The following SLC24A2 variants were observed in gnomAD, a reference collection of about 807,000 sequenced individuals.
The protein encoded by SLC24A2 is solute carrier family 24 member 2.
A neutral mutation model predicts 62.0 loss-of-function variants in SLC24A2; 36 were observed. The ratio of observed to expected loss-of-function variants is 0.58; its 90% confidence interval spans 0.44 to 0.77. The LOEUF (loss-of-function observed/expected upper bound fraction) is 0.77, where lower values mean the gene tolerates loss of function less well. SLC24A2 is among the 30% of genes least tolerant of loss of function. SLC24A2 has a pLI of 0.00. For missense variants in SLC24A2, 846 were observed against 817.9 expected (o/e 1.03, Z -0.42); for synonymous variants, 358 against 294.0 (o/e 1.22, Z -2.23).
At chr9:20,253,454 G>A in the SLC24A2 span, among the ~76,000 whole-genome samples, 2 of 152,148 alleles carry the variant, frequency 1.3e-5, no homozygotes, top group African/African-American at 4.8e-5. Flanking sequence ...TTACTTCCAA[G>A]TGTAACAGGT....
At chr9:19,960,660 T>C in the SLC24A2 span, among the ~76,000 whole-genome samples, 1 of 152,198 alleles carries the variant, frequency 6.6e-6, no homozygotes, top group African/African-American at 2.4e-5. Flanking sequence ...GTCCCACAGA[T>C]GTATGGTGAC....
chr9:20,123,186 C>A, the SLC24A2 span, among the ~76,000 whole-genome samples: 1 of 152,026 alleles, frequency 6.6e-6, no homozygotes, highest in African/African-American at 2.4e-5. Flanking sequence ...CTAGCTGTGT[C>A]CTCACATAAT....
At chr9:20,209,810 A>G in the SLC24A2 span, among the ~76,000 whole-genome samples, 1 of 152,228 alleles carries the variant, frequency 6.6e-6, no homozygotes, top group Non-Finnish European at 1.5e-5. Flanking sequence ...AGGAATCAAT[A>G]GAAACCACAT....
At chr9:19,648,147 C>A (rs934170848) in intron 2 of SLC24A2, among the ~76,000 whole-genome samples, 2 of 152,168 alleles carry the variant, frequency 1.3e-5, no homozygotes, top group Non-Finnish European at 2.9e-5. Context: ...AATAGACTAA[C>A]AACCCATTAA....
chr9:19,893,839 C>A, the SLC24A2 span, among the ~76,000 whole-genome samples: 6 of 152,316 alleles, frequency 3.9e-5, no homozygotes, highest in Admixed American at 3.9e-4. Context: ...AATTGCACCT[C>A]ATGTTTCTCT....
intron 7 of SLC24A2, 62 bp downstream of exon 7, chr9:19,573,289 C>T: frequency 1.8e-6 from 2 of 1,136,214 alleles, no homozygotes; most frequent in South Asian, 1.2e-5. Flanking sequence ...AGGGTCTGTG[C>T]TGCCACGCTA....
chr9:19,662,476 C>T (rs1030351766), intron 2 of SLC24A2, among the ~76,000 whole-genome samples: 1 of 152,208 alleles, frequency 6.6e-6, no homozygotes, highest in African/African-American at 2.4e-5. Context: ...CTCCTACTTA[C>T]ATTTATCTCT....
chr9:20,234,002 A>G, the SLC24A2 span, among the ~76,000 whole-genome samples: 2 of 152,190 alleles, frequency 1.3e-5, no homozygotes, highest in Non-Finnish European at 2.9e-5. Context: ...GTTTGGCTGG[A>G]TATGAAATTC....
the SLC24A2 span, among the ~76,000 whole-genome samples, chr9:20,119,065 G>C: frequency 6.6e-6 from 1 of 152,154 alleles, no homozygotes; most frequent in Middle Eastern, 3.2e-3. Context: ...AATGAACGCA[G>C]CCTTCAAGAA....
chr9:20,182,350 G>C, the SLC24A2 span, among the ~76,000 whole-genome samples: 1 of 152,120 alleles, frequency 6.6e-6, no homozygotes, highest in Non-Finnish European at 1.5e-5. Flanking sequence ...GTTTATTGTG[G>C]TACTATTCAC....
chr9:19,859,920 A>G, the SLC24A2 span, among the ~76,000 whole-genome samples: 1 of 152,210 alleles, frequency 6.6e-6, no homozygotes, highest in East Asian at 1.9e-4. Context: ...GCCAGAGAGG[A>G]ATTGCTCATC....
At chr9:20,134,273 A>G in the SLC24A2 span, among the ~76,000 whole-genome samples, 1 of 152,226 alleles carries the variant, frequency 6.6e-6, no homozygotes, top group Admixed American at 6.5e-5. Flanking sequence ...ATAGATATAT[A>G]TCGAAGAAGA....
chr9:19,894,071 T>C, the SLC24A2 span, among the ~76,000 whole-genome samples: 260 of 152,334 alleles, frequency 1.7e-3, no homozygotes, highest in Middle Eastern at 0.017. Context: ...TAATCTATTC[T>C]GGGTGGCTAC....
chr9:20,144,486 G>T, the SLC24A2 span, among the ~76,000 whole-genome samples: 1 of 152,124 alleles, frequency 6.6e-6, no homozygotes, highest in African/African-American at 2.4e-5. Flanking sequence ...TGTTTATTTA[G>T]ACTCCCGTAA....
the SLC24A2 span, among the ~76,000 whole-genome samples, chr9:20,205,265 A>G: frequency 2.0e-5 from 3 of 152,318 alleles, no homozygotes; most frequent in Non-Finnish European, 2.9e-5. Context: ...GATGTCTTGA[A>G]GAAAAGTATC....
chr9:19,526,626 C>CT (rs1364029452), intron 9 of SLC24A2, among the ~76,000 whole-genome samples: 1 of 152,090 alleles, frequency 6.6e-6, no homozygotes, highest in African/African-American at 2.4e-5. Flanking sequence ...TTTTCTTGTG[C>CT]TTTTTAGCCA....
chr9:20,303,170 C>A, the SLC24A2 span, among the ~76,000 whole-genome samples: 4 of 151,864 alleles, frequency 2.6e-5, no homozygotes, highest in Admixed American at 6.6e-5. Context: ...GGCTGCTGCC[C>A]TTTTTCATGC....
chr9:19,937,814 T>C, the SLC24A2 span, among the ~76,000 whole-genome samples: 1 of 152,226 alleles, frequency 6.6e-6, no homozygotes, highest in Non-Finnish European at 1.5e-5. Context: ...GTCTTCAGGA[T>C]GTATATGGTT....
At chr9:19,690,912 T>TGAGA (rs1437424458) in intron 2 of SLC24A2, among the ~76,000 whole-genome samples, 1 of 132,040 alleles carries the variant, frequency 7.6e-6, no homozygotes, top group East Asian at 3.4e-4. Flanking sequence ...ATTGTGTGTG[T>TGAGA]GCGTGTGAGA....
Sources: allele counts gnomAD v4.1 joint callset (sites outside exome capture counted in the v4.1 genomes callset), GRCh38; gene constraint gnomAD v4.1.1; transcripts MANE v1.5; gene names NCBI Gene and HGNC (gene_info 2026-07-23, HGNC 2026-07-21).